CCDC171: variants seen among roughly 807,000 people sequenced by gnomAD.
CCDC171 encodes coiled-coil domain-containing protein 171.
In CCDC171, 177 loss-of-function variants were observed where a neutral mutation model predicts 168.2. That is an observed-to-expected ratio of 1.05 (90% CI 0.93 to 1.19). The LOEUF is 1.19. CCDC171 is among the 50% of genes most tolerant of loss of function. The probability of loss-of-function intolerance (pLI) is 0.00; values close to 1 mark genes in which losing one functional copy is unlikely to be tolerated. For missense variants in CCDC171, 1,991 were observed against 1,539.0 expected, an observed-to-expected ratio of 1.29 and a Z score of -4.91; for synonymous variants, 687 against 540.8, an observed-to-expected ratio of 1.27 and a Z score of -3.75.
At chr9:15,860,936 A>ATGTGTGTGTGTG (rs770617574) in intron 23 of CCDC171, among the ~76,000 whole-genome samples, 2,813 of 144,230 alleles carry the variant, frequency 0.02, 92 homozygotes, top group African/African-American at 0.056. Context: ...GTTGTTAGGG[A>ATGTGTGTGTGTG]TGTGTGTGTG....
chr9:15,630,604 T>G (rs1179008429), intron 7 of CCDC171, among the ~76,000 whole-genome samples: 1 of 152,146 alleles, frequency 6.6e-6, no homozygotes, highest in Non-Finnish European at 1.5e-5. Context: ...ACTGTCAACA[T>G]TAGACAGATC....
chr9:15,675,981 C>G (rs2049525810), intron 9 of CCDC171, among the ~76,000 whole-genome samples: 1 of 152,140 alleles, frequency 6.6e-6, no homozygotes, highest in African/African-American at 2.4e-5. Context: ...TAACTTGGTT[C>G]CATTCTCCCC....
intron 3 of CCDC171, among the ~76,000 whole-genome samples, chr9:16,009,257 T>C (rs1832791945): frequency 6.6e-6 from 1 of 152,102 alleles, no homozygotes; most frequent in Admixed American, 6.6e-5. Context: ...AGTGTCTTCA[T>C]CTAGCTAAAA....
At chr9:15,701,325 G>C (rs1319512276) in intron 11 of CCDC171, among the ~76,000 whole-genome samples, 5 of 152,126 alleles carry the variant, frequency 3.3e-5, no homozygotes, top group Non-Finnish European at 7.3e-5. Flanking sequence ...CTAGATCAGT[G>C]TCCTGAAGGA....
chr9:15,954,592 G>C lies in CCDC171; in HGVS notation c.3754-17017G>C, dbSNP rs764293882. ...TTATCCCACAGGTCCCTTAGACTCT[G>C]TTCACTTTTCTTCGATCATTTTTCT... On this transcript the variant is annotated intron_variant, in intron 25 of 25. Coordinates refer to ENST00000380701, the MANE Select transcript of CCDC171 (RefSeq NM_173550.4). Among the ~76,000 whole-genome samples, 43 of 151,200 alleles carry C rather than the reference G, an allele frequency of 2.8e-4. 1 individual carries two copies. The highest frequency in any genetic ancestry group is 1.2e-3 in the Admixed American group (18 of 15,152).
At chr9:15,677,925 T>TATATATATATATATATATATATA (rs59883669) in intron 9 of CCDC171, among the ~76,000 whole-genome samples, 1 of 41,866 alleles carries the variant, frequency 2.4e-5, no homozygotes, top group Non-Finnish European at 4.1e-5. Context: ...TATATATATA[T>TATATATATATATATATATATATA]AAGAGATGTG....
At chr9:15,626,556 C>G (rs1420608380) in intron 7 of CCDC171, among the ~76,000 whole-genome samples, 1 of 152,180 alleles carries the variant, frequency 6.6e-6, no homozygotes, top group Non-Finnish European at 1.5e-5. Context: ...GCCTTTTCTG[C>G]ATCTGTTGAG....
intron 21 of CCDC171, among the ~76,000 whole-genome samples, chr9:15,811,307 A>G (rs182280683): frequency 2.0e-5 from 3 of 152,390 alleles, no homozygotes; most frequent in Non-Finnish European, 2.9e-5. Context: ...GGCAAAAACT[A>G]TAATTAGATA....
At chr9:16,047,489 A>T (rs1248528598) in intron 1 of CCDC171, among the ~76,000 whole-genome samples, 1 of 152,188 alleles carries the variant, frequency 6.6e-6, no homozygotes, top group East Asian at 1.9e-4. Flanking sequence ...TTATCACTGC[A>T]GCCTCCAGGT....
intron 7 of CCDC171, among the ~76,000 whole-genome samples, chr9:15,623,855 T>C (rs2132092905): frequency 6.6e-6 from 1 of 152,324 alleles, no homozygotes; most frequent in East Asian, 1.9e-4. Context: ...GATGAGACTT[T>C]ACTTGGGAAA....
intron 17 of CCDC171, among the ~76,000 whole-genome samples, chr9:15,745,227 CA>C (rs2055187102): frequency 6.6e-6 from 1 of 152,116 alleles, no homozygotes; most frequent in African/African-American, 2.4e-5. Context: ...GTTTTGAATG[CA>C]TAACTATTTT....
chr9:16,004,922 A>G (rs139788694), intron 3 of CCDC171, among the ~76,000 whole-genome samples: 4 of 152,298 alleles, frequency 2.6e-5, no homozygotes, highest in Admixed American at 2.0e-4. Flanking sequence ...AATTGCATCT[A>G]AAGTAGAAGG....
At chr9:15,674,318 G>C (rs1170715552) in intron 9 of CCDC171, among the ~76,000 whole-genome samples, 2 of 152,034 alleles carry the variant, frequency 1.3e-5, no homozygotes, top group African/African-American at 4.8e-5. Context: ...CGAGCTCCTG[G>C]ATTCATTGAC....
intron 11 of CCDC171, among the ~76,000 whole-genome samples, chr9:15,702,687 G>T (rs1362023105): frequency 6.6e-6 from 1 of 152,138 alleles, no homozygotes; most frequent in Non-Finnish European, 1.5e-5. Flanking sequence ...CTGTTGTTTA[G>T]TGTAGCTACC....
chr9:16,002,585 T>TAAGGTTAA (rs1832584710), intron 3 of CCDC171, among the ~76,000 whole-genome samples: 1 of 152,208 alleles, frequency 6.6e-6, no homozygotes, highest in Non-Finnish European at 1.5e-5. Context: ...TACAGTAAGC[T>TAAGGTTAA]AAGGTTAATT....
At chr9:15,583,417 A>G (rs2041294090) in intron 4 of CCDC171, among the ~76,000 whole-genome samples, 1 of 151,856 alleles carries the variant, frequency 6.6e-6, no homozygotes, top group African/African-American at 2.4e-5. Context: ...TCAAAAAAAA[A>G]AAAAAAAAGA....
chr9:15,569,320 C>T (rs888117284), intron 2 of CCDC171, among the ~76,000 whole-genome samples: 3 of 152,134 alleles, frequency 2.0e-5, no homozygotes, highest in Admixed American at 6.5e-5. Flanking sequence ...CTCACTAGCC[C>T]TGTGAACTTG....
At chr9:15,654,818 A>C (rs1428598550) in intron 7 of CCDC171, among the ~76,000 whole-genome samples, 3 of 152,176 alleles carry the variant, frequency 2.0e-5, no homozygotes, top group Non-Finnish European at 4.4e-5. Flanking sequence ...CAGTGGGTGC[A>C]GTGCACTGAG....
rs2053926822 is a variant in CCDC171 at position 15,728,045 on chromosome 9, C to T, written c.1860+9C>T. On this transcript the variant is annotated intron_variant, in intron 15 of 25. Coordinates refer to ENST00000380701, the MANE Select transcript of CCDC171 (RefSeq NM_173550.4). ...ACAGGGCTAATGAGAAGGTAACTGT[C>T]CTCAGGCACCAGATACCTCTATTAA... 1.2e-6 allele frequency: 2 copies of T among 1,600,948 alleles called. No homozygotes were observed. The highest frequency in any genetic ancestry group is 2.7e-5 in the African/African-American group (2 of 74,518).
Sources: allele counts gnomAD v4.1 joint callset (sites outside exome capture counted in the v4.1 genomes callset), GRCh38; gene constraint gnomAD v4.1.1; transcripts MANE v1.5; gene names NCBI Gene and HGNC (gene_info 2026-07-23, HGNC 2026-07-21).